Variants in ARHGAP15 observed in about 807,000 individuals in gnomAD.
ARHGAP15 encodes the protein rho GTPase-activating protein 15.
A neutral mutation model predicts 63.7 loss-of-function variants in ARHGAP15; 51 were observed. The ratio of observed to expected loss-of-function variants is 0.80; its 90% CI spans 0.64 to 1.01. ARHGAP15 has a LOEUF of 1.01. Ranked by LOEUF, ARHGAP15 falls within the 50% of genes least tolerant of loss-of-function variation. The probability of loss-of-function intolerance (pLI) is 0.00; values close to 1 mark genes in which losing one functional copy is unlikely to be tolerated. For missense variants in ARHGAP15, 560 were observed against 564.6 expected (o/e 0.99, Z 0.08); for synonymous variants, 191 against 193.8 (o/e 0.99, Z 0.12).
chr2:143,606,571 G>T (rs1698040967), intron 11 of ARHGAP15, among the ~76,000 whole-genome samples: 1 of 152,158 alleles, frequency 6.6e-6, no homozygotes, highest in Non-Finnish European at 1.5e-5. Flanking sequence ...GGGAAAACGT[G>T]AGCAATGTAT....
At chr2:143,567,119 C>G (rs1027073686) in intron 11 of ARHGAP15, among the ~76,000 whole-genome samples, 5 of 152,070 alleles carry the variant, frequency 3.3e-5, no homozygotes, top group Non-Finnish European at 7.4e-5. Flanking sequence ...TCGTGATCTG[C>G]CCCCCTCGGC....
At chr2:143,270,562 T>C (rs1235836180) in intron 6 of ARHGAP15, among the ~76,000 whole-genome samples, 3 of 152,266 alleles carry the variant, frequency 2.0e-5, no homozygotes, top group Admixed American at 6.5e-5. Context: ...TGGTAATTAA[T>C]GAATTGCTCT....
chr2:143,509,162 T>A (rs1251995820), intron 9 of ARHGAP15, among the ~76,000 whole-genome samples: 2 of 152,184 alleles, frequency 1.3e-5, no homozygotes, highest in Non-Finnish European at 2.9e-5. Context: ...ATTGTCATTA[T>A]CACCAGAGAC....
chr2:143,376,857 CT>C (rs1470794608), intron 6 of ARHGAP15, among the ~76,000 whole-genome samples: 2 of 152,150 alleles, frequency 1.3e-5, no homozygotes, highest in African/African-American at 4.8e-5. Flanking sequence ...ACAAAACATA[CT>C]TTTTCCACTC....
intron 6 of ARHGAP15, among the ~76,000 whole-genome samples, chr2:143,288,159 G>A (rs1167916414): frequency 3.3e-5 from 5 of 152,092 alleles, no homozygotes; most frequent in Non-Finnish European, 7.4e-5. Flanking sequence ...TATATAAATC[G>A]GCCTCCCATG....
chr2:143,357,355 C>CT (rs10682016), intron 6 of ARHGAP15, among the ~76,000 whole-genome samples: 26,979 of 147,376 alleles, frequency 0.18, 2,877 homozygotes, highest in Non-Finnish European at 0.24. Context: ...TTATGGAAAT[C>CT]TTTTTTTTTT....
chr2:143,430,823 C>T (rs960106287), intron 6 of ARHGAP15, among the ~76,000 whole-genome samples: 3 of 151,918 alleles, frequency 2.0e-5, no homozygotes, highest in Non-Finnish European at 4.4e-5. Flanking sequence ...CTCTCTAGAA[C>T]CACTGTAGCC....
intron 6 of ARHGAP15, among the ~76,000 whole-genome samples, chr2:143,319,358 G>A (rs1173696081): frequency 2.0e-5 from 3 of 151,762 alleles, no homozygotes; most frequent in African/African-American, 7.3e-5. Flanking sequence ...CCGAGTAGCT[G>A]GGATTACAGG....
At chr2:143,482,711 A>G (rs1352769147) in intron 8 of ARHGAP15, among the ~76,000 whole-genome samples, 4 of 152,218 alleles carry the variant, frequency 2.6e-5, no homozygotes, top group Non-Finnish European at 5.9e-5. Flanking sequence ...ACGATATTCA[A>G]AGACTTTTAC....
chr2:143,632,909 CAG>C (rs1448756237), intron 12 of ARHGAP15, among the ~76,000 whole-genome samples: 1 of 152,110 alleles, frequency 6.6e-6, no homozygotes, highest in African/African-American at 2.4e-5. Flanking sequence ...AGAAAAGAAA[CAG>C]AGCTTGCAAG....
intron 5 of ARHGAP15, 101 bp from the exon 6 acceptor site, chr2:143,250,410 T>G: frequency 1.2e-6 from 1 of 840,412 alleles, no homozygotes; most frequent in Non-Finnish European, 1.8e-6. Context: ...AGGCATTATA[T>G]CATAAATATG....
At chr2:143,348,834 A>G (rs1157334964) in intron 6 of ARHGAP15, among the ~76,000 whole-genome samples, 4 of 152,182 alleles carry the variant, frequency 2.6e-5, no homozygotes, top group African/African-American at 9.6e-5. Flanking sequence ...AATGCTGAAA[A>G]TGCCAGATCC....
chr2:143,253,134 C>A (rs1680240486), intron 6 of ARHGAP15, among the ~76,000 whole-genome samples: 2 of 151,712 alleles, frequency 1.3e-5, no homozygotes, highest in Non-Finnish European at 2.9e-5. Context: ...TAGCAAATGA[C>A]TATTGAGATT....
chr2:143,151,624 A>G (rs901390607), intron 1 of ARHGAP15, among the ~76,000 whole-genome samples: 2 of 151,986 alleles, frequency 1.3e-5, no homozygotes, highest in South Asian at 2.1e-4. Flanking sequence ...ATAAATTTTG[A>G]CACTGTAGTT....
chr2:143,440,291 T>C (rs572994509), intron 8 of ARHGAP15, among the ~76,000 whole-genome samples: 2 of 152,192 alleles, frequency 1.3e-5, no homozygotes, highest in Non-Finnish European at 2.9e-5. Context: ...CTGATCTCAG[T>C]CCTAGATTTG....
intron 13 of ARHGAP15, among the ~76,000 whole-genome samples, chr2:143,738,699 T>C (rs1377962530): frequency 6.6e-6 from 1 of 152,236 alleles, no homozygotes; most frequent in African/African-American, 2.4e-5. Context: ...TGTTTCTATT[T>C]CTTTTCTTAA....
At chr2:143,602,899 C>T (rs535827929) in intron 11 of ARHGAP15, among the ~76,000 whole-genome samples, 168 of 152,214 alleles carry the variant, frequency 1.1e-3, no homozygotes, top group Non-Finnish European at 1.7e-3. Flanking sequence ...TGTGTCTCTC[C>T]TTAAATGAGA....
At chr2:143,661,271 A>G (rs1033558889) in intron 12 of ARHGAP15, among the ~76,000 whole-genome samples, 2 of 152,170 alleles carry the variant, frequency 1.3e-5, no homozygotes, top group Non-Finnish European at 2.9e-5. Context: ...CGAAGATAGC[A>G]TTTTCATAGG....
chr2:143,646,109 C>T (rs1323472037), intron 12 of ARHGAP15, among the ~76,000 whole-genome samples: 1 of 151,974 alleles, frequency 6.6e-6, no homozygotes, highest in Non-Finnish European at 1.5e-5. Context: ...TCAGGAAATT[C>T]ACAGTCCAGC....
Sources: gnomAD v4.1 joint callset for allele counts (sites outside exome capture counted in the v4.1 genomes callset) on GRCh38, gnomAD v4.1.1 for gene constraint, MANE v1.5 for transcripts, NCBI Gene and HGNC (gene_info 2026-07-23, HGNC 2026-07-21) for gene names.